UBE2E1: variants seen among roughly 807,000 people sequenced by gnomAD.
The protein encoded by UBE2E1 is ubiquitin conjugating enzyme E2 E1, also known as ubiquitin-conjugating enzyme E2 E1.
UBE2E1 carries 6 observed loss-of-function variants against 21.4 expected under a neutral mutation model. The ratio of observed to expected loss-of-function variants is 0.28; its 90% CI spans 0.15 to 0.55. The LOEUF (loss-of-function observed/expected upper bound fraction) is 0.55, where lower values mean the gene tolerates loss of function less well. Among genes scored for constraint, UBE2E1 ranks in the 20% least tolerant of loss-of-function variants. The pLI, the probability that UBE2E1 is intolerant of heterozygous loss-of-function variation, is 0.93. For synonymous variants in UBE2E1, 87 were observed against 82.7 expected (o/e 1.05, Z -0.28); for missense variants, 142 against 236.5 (o/e 0.60, Z 2.62).
chr3:23,884,062 A>G (rs1179413230), intron 3 of UBE2E1, among the ~76,000 whole-genome samples: 1 of 152,102 alleles, frequency 6.6e-6, no homozygotes, highest in Non-Finnish European at 1.5e-5. Context: ...ATATTATTTC[A>G]CTTAGCATTT....
chr3:23,859,925 A>G (rs566364766), intron 3 of UBE2E1, among the ~76,000 whole-genome samples: 10 of 152,200 alleles, frequency 6.6e-5, no homozygotes, highest in African/African-American at 2.2e-4. Context: ...TTTATTTCGT[A>G]CTCTCATTGT....
chr3:23,870,321 T>C lies in UBE2E1; in HGVS notation c.204-17246T>C, dbSNP rs1057275474. On this transcript the variant is annotated intron_variant, in intron 3 of 5. Coordinates refer to ENST00000306627, the MANE Select transcript of UBE2E1 (RefSeq NM_003341.5). This position sits in a 1 kb window ranked among gnomAD's most constrained non-coding sequence, Gnocchi z 4.2. ...GGAGCCAGTTGTGAAGTCACACTTATATCACTTTAGACTTAAATATCACCA... is the reference window on the plus strand; with the variant it reads ...GGAGCCAGTTGTGAAGTCACACTTACATCACTTTAGACTTAAATATCACCA... Among the ~76,000 whole-genome samples the C allele has an allele frequency of 1.1e-4, 16 of 152,202 alleles. No homozygotes were observed. Among genetic ancestry groups the C allele is most frequent in the African/African-American group, 3.6e-4 (15 of 41,434 alleles).
chr3:23,812,398 C>T (rs1398768232), intron 3 of UBE2E1, among the ~76,000 whole-genome samples: 1 of 152,176 alleles, frequency 6.6e-6, no homozygotes, highest in Non-Finnish European at 1.5e-5. Context: ...GTAGAAGTTA[C>T]TGACAAAGTA....
At chr3:23,807,021 C>A (rs191488086) in intron 1 of UBE2E1, 8 of 405,022 alleles carry the variant, frequency 2.0e-5, no homozygotes, top group Admixed American at 4.4e-5. Flanking sequence ...AGCTCCAGAC[C>A]GTTTTCCCAC....
intron 2 of UBE2E1, 149 bp downstream of exon 2, chr3:23,807,570 A>G (rs751393897): frequency 8.6e-6 from 8 of 925,296 alleles, no homozygotes; most frequent in Non-Finnish European, 1.2e-5. Flanking sequence ...AGCCCTAATT[A>G]TTTTCTCTAT....
intron 2 of UBE2E1, 137 bp from the exon 3 acceptor site, chr3:23,811,323 T>C (rs1422125829): frequency 5.2e-6 from 4 of 770,974 alleles, no homozygotes; most frequent in Non-Finnish European, 8.7e-6. Flanking sequence ...CCTGAAGTTC[T>C]TGATGTGTAG....
chr3:23,825,625 G>A (rs1462663428), intron 3 of UBE2E1, among the ~76,000 whole-genome samples: 6 of 152,112 alleles, frequency 3.9e-5, no homozygotes, highest in African/African-American at 1.2e-4. Flanking sequence ...GTGCCACATT[G>A]GGGAAATGAC....
At chr3:23,827,162 A>G (rs949635658) in intron 3 of UBE2E1, among the ~76,000 whole-genome samples, 5 of 152,214 alleles carry the variant, frequency 3.3e-5, no homozygotes, top group Non-Finnish European at 7.3e-5. Flanking sequence ...TCAAAGGGAA[A>G]AACCACCAAA....
Position 23,882,078 on chromosome 3 carries a change from A to G in UBE2E1, c.204-5489A>G, listed in dbSNP as rs187078685. 4.3e-4 allele frequency among the ~76,000 whole-genome samples: 65 copies of G among 152,316 alleles called. 1 individual carries two copies. The highest frequency in any genetic ancestry group is 1.5e-3 in the African/African-American group (64 of 41,566). ...GACCCAAAGAGTGAGCAGCAGCAAG[A>G]TTTATTGCAAGGAGTGAAAGAACAA... On this transcript the variant is annotated intron_variant, in intron 3 of 5. Coordinates refer to ENST00000306627, the MANE Select transcript of UBE2E1 (RefSeq NM_003341.5).
chr3:23,824,157 A>G (rs997165513), intron 3 of UBE2E1, among the ~76,000 whole-genome samples: 27 of 152,176 alleles, frequency 1.8e-4, no homozygotes, highest in African/African-American at 6.3e-4. Context: ...ATTTACCTGT[A>G]TTGGGAGGAA....
rs1384772302 is a variant in UBE2E1, at chr3:23,891,083, TA to T, written c.*481del. 6.5e-6 allele frequency: 1 copy of T among 152,892 alleles called. No homozygotes were observed. The highest frequency in any genetic ancestry group is 1.5e-5 in the Non-Finnish European group (1 of 68,240). The allele number at this position is 152,892 out of a possible 1,614,324, so 9.5% of individuals were successfully genotyped here. A position where few individuals can be genotyped will look rare whatever the true frequency, so the allele number is the denominator to read the frequency against. ...TATATATAAAATGGACACGTGGCTA[TA>T]AAACACCATATAAGAGATGAGTAGT... On this transcript the variant is annotated 3_prime_UTR_variant, in exon 6 of 6. Transcript: ENST00000306627.
intron 3 of UBE2E1, among the ~76,000 whole-genome samples, chr3:23,817,167 G>T (rs1352658416): frequency 6.6e-6 from 1 of 152,174 alleles, no homozygotes; most frequent in Non-Finnish European, 1.5e-5. Context: ...CACAAGCTGG[G>T]CATGGTGGCT....
chr3:23,881,286 TTTA>T (rs1463510567), intron 3 of UBE2E1, among the ~76,000 whole-genome samples: 29 of 152,274 alleles, frequency 1.9e-4, no homozygotes, highest in Admixed American at 1.6e-3. Context: ...CAGAGTAATA[TTTA>T]TTTTGATTAG....
At chr3:23,813,198 C>T (rs1426295225) in intron 3 of UBE2E1, among the ~76,000 whole-genome samples, 2 of 152,034 alleles carry the variant, frequency 1.3e-5, no homozygotes, top group Admixed American at 6.6e-5. Flanking sequence ...ATTGGTGTTA[C>T]GGAGTCAAAG....
rs573282792 is a variant in UBE2E1 at position 23,809,973 on chromosome 3, C to G, written c.153-1487C>G. ...TGAACAAACCCCTTTCTAAAGTTGA[C>G]AGATACGTAGGGACAGGAAATGTCC... is the stretch of plus-strand genomic sequence containing the variant. On this transcript the variant is annotated intron_variant, in intron 2 of 5. Transcript: ENST00000306627. Among the ~76,000 whole-genome samples, 74 of 152,308 alleles carry G rather than the reference C, an allele frequency of 4.9e-4. No individual in the cohort carries two copies. The South Asian group carries it at 0.014, about 29-fold the overall frequency.
chr3:23,883,079 T>C (rs1038478423), intron 3 of UBE2E1, among the ~76,000 whole-genome samples: 1 of 152,226 alleles, frequency 6.6e-6, no homozygotes, highest in South Asian at 2.1e-4. Flanking sequence ...GCCAGCATGC[T>C]GTCACCTCTC....
In UBE2E1 at chr3:23,879,715, T is replaced by A. The variant is rs7610935; in HGVS notation, c.204-7852T>A. 3.5e-4 allele frequency among the ~76,000 whole-genome samples: 53 copies of A among 152,198 alleles called. 1 individual carries two copies. Among genetic ancestry groups the A allele is most frequent in the African/African-American group, 1.2e-3 (51 of 41,492 alleles). On this transcript the variant is annotated intron_variant, in intron 3 of 5. Coordinates refer to ENST00000306627, the MANE Select transcript of UBE2E1 (RefSeq NM_003341.5). ...GGGCACCAGGTGGGTGCTGTGTGCC[T>A]GGCTGCTCTAACAGTGCTCGCCCAG...
At chr3:23,880,043 T>C (rs1416129249) in intron 3 of UBE2E1, among the ~76,000 whole-genome samples, 1 of 152,180 alleles carries the variant, frequency 6.6e-6, no homozygotes, top group Non-Finnish European at 1.5e-5. Context: ...GCCCAAGAAT[T>C]TGAGACCAGC....
intron 3 of UBE2E1, among the ~76,000 whole-genome samples, chr3:23,885,646 A>G (rs1701164639): frequency 6.6e-6 from 1 of 152,078 alleles, no homozygotes; most frequent in East Asian, 1.9e-4. Context: ...GGATCACCTG[A>G]GGTCGGGAGT....
Sources: gnomAD v4.1 joint callset for allele counts (sites outside exome capture counted in the v4.1 genomes callset) on GRCh38, gnomAD v4.1.1 for gene constraint, Gnocchi (gnomAD v3.1) non-coding constraint, MANE v1.5 for transcripts, NCBI Gene and HGNC (gene_info 2026-07-23, HGNC 2026-07-21) for gene names.